CAST: variants seen among roughly 807,000 people sequenced by gnomAD.
The protein encoded by CAST is MIR583 host.
In CAST, 76 loss-of-function variants were observed where a neutral mutation model predicts 119.6. The observed-to-expected ratio is 0.64, with a 90% CI of 0.53 to 0.77. The LOEUF (loss-of-function observed/expected upper bound fraction) is 0.77. Among genes scored for constraint, CAST ranks in the 30% least tolerant of loss-of-function variants. The pLI, the probability that CAST is intolerant of heterozygous loss-of-function variation, is 0.00. For missense variants in CAST, 953 were observed against 946.5 expected (o/e 1.01, Z -0.09); for synonymous variants, 319 against 331.6 (o/e 0.96, Z 0.41).
At chr5:96,312,619 T>G in the CAST span, among the ~76,000 whole-genome samples, 1 of 152,074 alleles carries the variant, frequency 6.6e-6, no homozygotes, top group South Asian at 2.1e-4. Flanking sequence ...GTGTTAGTAG[T>G]TTGAAACTAT....
At chr5:96,224,860 A>G in the CAST span, among the ~76,000 whole-genome samples, 2 of 152,204 alleles carry the variant, frequency 1.3e-5, no homozygotes, top group Non-Finnish European at 2.9e-5. Context: ...TCTTATTGTG[A>G]CTTACACATG....
At chr5:96,614,402 G>A (rs567224624) in intron 1 of CAST, among the ~76,000 whole-genome samples, 13 of 152,272 alleles carry the variant, frequency 8.5e-5, no homozygotes, top group South Asian at 6.2e-4. Context: ...GCATCCAGCC[G>A]GGACATGCCC....
the CAST span, among the ~76,000 whole-genome samples, chr5:96,024,561 A>T: frequency 1.5e-4 from 22 of 150,252 alleles, no homozygotes; most frequent in Non-Finnish European, 2.7e-4. Context: ...AATATCTGCA[A>T]TTTTTTTTTT....
chr5:96,754,823 C>A, intron 22 of CAST, 82 bp downstream of exon 22: 1 of 804,732 alleles, frequency 1.2e-6, no homozygotes, highest in Non-Finnish European at 2.1e-6. Context: ...GGGAACAGAA[C>A]TGGAATATAA....
chr5:96,765,676 G>A (rs1343951489), intron 26 of CAST, among the ~76,000 whole-genome samples: 1 of 152,080 alleles, frequency 6.6e-6, no homozygotes, highest in East Asian at 1.9e-4. Flanking sequence ...TCTCTAAATG[G>A]CAAGGTACAG....
At chr5:96,419,203 A>AT in the CAST span, among the ~76,000 whole-genome samples, 1 of 151,644 alleles carries the variant, frequency 6.6e-6, no homozygotes, top group Non-Finnish European at 1.5e-5. Context: ...TTTTAAACAA[A>AT]TCAATTTGTT....
the CAST span, among the ~76,000 whole-genome samples, chr5:95,977,801 G>T: frequency 6.6e-6 from 1 of 151,738 alleles, no homozygotes; most frequent in Admixed American, 6.6e-5. Context: ...CTCCAACCTC[G>T]CACCCTACAC....
At chr5:96,136,950 C>T in the CAST span, among the ~76,000 whole-genome samples, 1 of 152,118 alleles carries the variant, frequency 6.6e-6, no homozygotes, top group East Asian at 1.9e-4. Context: ...CACTTTTTGT[C>T]CCCACTCCTT....
intron 1 of CAST, among the ~76,000 whole-genome samples, chr5:96,586,099 A>G (rs954554249): frequency 7.9e-5 from 12 of 152,294 alleles, no homozygotes; most frequent in African/African-American, 2.9e-4. Context: ...ATTTTTCACC[A>G]GCTCCCTATA....
chr5:96,341,630 A>G, the CAST span, among the ~76,000 whole-genome samples: 17 of 152,176 alleles, frequency 1.1e-4, no homozygotes, highest in East Asian at 3.3e-3. Context: ...TTTTACTTAA[A>G]TAAACTTTCT....
chr5:95,968,588 A>G, the CAST span, among the ~76,000 whole-genome samples: 7 of 152,158 alleles, frequency 4.6e-5, no homozygotes, highest in Non-Finnish European at 7.3e-5. Flanking sequence ...ACTTTATGAC[A>G]TGGTTTCCAC....
intron 1 of CAST, among the ~76,000 whole-genome samples, chr5:96,538,106 C>T (rs1745850868): frequency 6.6e-6 from 1 of 152,170 alleles, no homozygotes; most frequent in African/African-American, 2.4e-5. Context: ...ACTGGTTAAA[C>T]AGCCAGCAAA....
the CAST span, among the ~76,000 whole-genome samples, chr5:96,366,122 A>C: frequency 6.6e-6 from 1 of 152,202 alleles, no homozygotes; most frequent in Non-Finnish European, 1.5e-5. Context: ...TCTGGGTTGA[A>C]AATTCTTTTC....
intron 2 of CAST, among the ~76,000 whole-genome samples, chr5:96,690,250 G>T (rs1403476885): frequency 2.7e-5 from 4 of 150,184 alleles, no homozygotes; most frequent in African/African-American, 9.8e-5. Context: ...ATTTTTTTTT[G>T]AGATGGGGTC....
chr5:96,349,415 T>C, the CAST span, among the ~76,000 whole-genome samples: 1 of 152,126 alleles, frequency 6.6e-6, no homozygotes, highest in Non-Finnish European at 1.5e-5. Context: ...TTTAAAAAGA[T>C]CTACTTTTAG....
chr5:96,057,729 T>C, the CAST span, among the ~76,000 whole-genome samples: 1 of 152,214 alleles, frequency 6.6e-6, no homozygotes, highest in Non-Finnish European at 1.5e-5. Flanking sequence ...AGTTGCCTTA[T>C]ACTCTTGACA....
At chr5:96,630,527 C>T (rs1747802087) in intron 1 of CAST, among the ~76,000 whole-genome samples, 1 of 152,162 alleles carries the variant, frequency 6.6e-6, no homozygotes, top group African/African-American at 2.4e-5. Context: ...TGGCTCATAC[C>T]TGTAATCCCA....
the CAST span, chr5:96,395,075 A>G: frequency 1.5e-6 from 2 of 1,371,412 alleles, no homozygotes; most frequent in Non-Finnish European, 1.0e-6. Context: ...ATAATATAAA[A>G]CAAACTCATT....
At chr5:96,358,136 C>T in the CAST span, among the ~76,000 whole-genome samples, 1 of 152,128 alleles carries the variant, frequency 6.6e-6, no homozygotes, top group East Asian at 1.9e-4. Flanking sequence ...TTATAGTATT[C>T]TCTGATGGTA....
Sources: allele counts gnomAD v4.1 joint callset (sites outside exome capture counted in the v4.1 genomes callset), GRCh38; gene constraint gnomAD v4.1.1; transcripts MANE v1.5; gene names NCBI Gene and HGNC (gene_info 2026-07-23, HGNC 2026-07-21).